SEC11C: variants seen among roughly 807,000 people sequenced by gnomAD.
SEC11C encodes signal peptidase complex catalytic subunit SEC11C.
Under a neutral mutation model 21.9 loss-of-function variants are expected in SEC11C, and 10 were observed. The observed-to-expected ratio is 0.46, with a 90% CI of 0.28 to 0.77. The LOEUF (loss-of-function observed/expected upper bound fraction) is 0.77. Among genes scored for constraint, SEC11C ranks in the 30% least tolerant of loss-of-function variants. The probability of loss-of-function intolerance (pLI) is 0.12; values close to 1 mark genes in which losing one functional copy is unlikely to be tolerated. For missense variants in SEC11C, 145 were observed against 244.5 expected (o/e 0.59, Z 2.71); for synonymous variants, 83 against 85.6 (o/e 0.97, Z 0.17).
intron 1 of SEC11C, among the ~76,000 whole-genome samples, chr18:59,145,029 G>A (rs777200349): frequency 1.3e-5 from 2 of 152,168 alleles, no homozygotes; most frequent in Non-Finnish European, 2.9e-5. Flanking sequence ...CTATGAGCAA[G>A]GCTGAAATGA....
chr18:59,142,702 G>A (rs1308114171), intron 1 of SEC11C, among the ~76,000 whole-genome samples: 1 of 152,152 alleles, frequency 6.6e-6, no homozygotes, highest in East Asian at 1.9e-4. Context: ...GCATTCTTAA[G>A]TATTTGCTTT....
chr18:59,158,519 A>G, intron 5 of SEC11C, 113 bp from the exon 6 acceptor site: 1 of 838,602 alleles, frequency 1.2e-6, no homozygotes, highest in Non-Finnish European at 2.0e-6. Flanking sequence ...GGGAAGAGGT[A>G]ATCTTTTGAT....
chr18:59,142,142 T>C (rs1375071023), intron 1 of SEC11C, among the ~76,000 whole-genome samples: 1 of 152,206 alleles, frequency 6.6e-6, no homozygotes, highest in Admixed American at 6.5e-5. Flanking sequence ...GCCTAGAATC[T>C]GATTCGTAGG....
intron 1 of SEC11C, among the ~76,000 whole-genome samples, chr18:59,146,205 G>T (rs1339857614): frequency 1.3e-5 from 2 of 152,194 alleles, no homozygotes; most frequent in Non-Finnish European, 2.9e-5. Flanking sequence ...CTCCAGACGT[G>T]TTTGGAAAGC....
chr18:59,148,904 T>C (rs983404513), intron 1 of SEC11C, among the ~76,000 whole-genome samples: 3 of 152,146 alleles, frequency 2.0e-5, no homozygotes, highest in Non-Finnish European at 4.4e-5. Context: ...CGTGAGCCAC[T>C]GTGCCCAGCC....
chr18:59,139,909 C>T lies in SEC11C; in HGVS notation c.-40C>T, dbSNP rs1194104385. On this transcript the variant is annotated 5_prime_UTR_variant, in exon 1 of 6. Coordinates refer to ENST00000587834, the MANE Select transcript of SEC11C (RefSeq NM_033280.4). ...AGGTGCTCCGCAGCCGTCTGTGCCACCCAGAGCCGGCGGGCCGCTAGGTCC... is the reference window on the plus strand; with the variant it reads ...AGGTGCTCCGCAGCCGTCTGTGCCATCCAGAGCCGGCGGGCCGCTAGGTCC... 1 of 1,467,420 alleles carries T rather than the reference C, an allele frequency of 6.8e-7. No individual in the cohort carries two copies. Among genetic ancestry groups the T allele is most frequent in the Non-Finnish European group, 9.1e-7 (1 of 1,096,956 alleles). The allele number at this position is 1,467,420 out of a possible 1,614,324, so 90.9% of individuals were successfully genotyped here.
chr18:59,158,783 A>AC lies in SEC11C; in HGVS notation c.*99dup. 9.7e-7 allele frequency: 1 copy of AC among 1,035,326 alleles called. No homozygotes were observed. 64.1% of individuals were successfully genotyped at this position (1,035,326 alleles called of 1,614,324 possible). A position where few individuals can be genotyped will look rare whatever the true frequency, so the allele number is the denominator to read the frequency against. ...TGTTCCATTTTCTGTATAAAAGGGA[A>AC]CAGTGTGGAGATGTTTTTGTCTTGT... On this transcript the variant is annotated 3_prime_UTR_variant, in exon 6 of 6. Transcript: ENST00000587834.
intron 3 of SEC11C, among the ~76,000 whole-genome samples, chr18:59,154,355 G>T (rs1312901312): frequency 6.6e-6 from 1 of 152,090 alleles, no homozygotes; most frequent in Non-Finnish European, 1.5e-5. Flanking sequence ...TTTTGATATG[G>T]TTTCAAATCT....
At chr18:59,148,422 AG>A (rs2069304699) in intron 1 of SEC11C, among the ~76,000 whole-genome samples, 1 of 150,338 alleles carries the variant, frequency 6.7e-6, no homozygotes, top group African/African-American at 2.5e-5. Flanking sequence ...AGTCACCAGG[AG>A]TTGGCAGGTG....
In SEC11C at chr18:59,152,670, T is replaced by C; in HGVS notation, c.332T>C (p.Ile111Thr). Residue 111 changes from isoleucine to threonine, a missense_variant, in exon 3 of 6, where the codon ATC (isoleucine) becomes ACC (threonine). Coordinates refer to ENST00000587834, the MANE Select transcript of SEC11C (RefSeq NM_033280.4). Reference protein sequence around the residue: ...GRDIPIVHRVIKVHEKDNGDI... With the variant: ...GRDIPIVHRVTKVHEKDNGDI... Reference sequence around the variant, plus strand: ...GACATTCCAATAGTTCACAGAGTAATCAAAGTTCATGAAAAGTAAAGAGGC... The same window carrying C: ...GACATTCCAATAGTTCACAGAGTAACCAAAGTTCATGAAAAGTAAAGAGGC... The C allele has an allele frequency of 6.3e-7, 1 of 1,598,688 alleles. No homozygotes were observed. The highest frequency in any genetic ancestry group is 1.1e-5 in the South Asian group (1 of 87,614).
In SEC11C at chr18:59,139,958, G is replaced by A; in HGVS notation, c.10G>A (p.Ala4Thr). 1 of 1,587,982 alleles carries A rather than the reference G, an allele frequency of 6.3e-7. No individual in the cohort carries two copies. The highest frequency in any genetic ancestry group is 8.6e-7 in the Non-Finnish European group (1 of 1,165,802). ...CCCCGGAGACCCTGCTATGGTGCGT[G>A]CGGGCGCCGTGGGGGCTCATCTCCC... is the stretch of plus-strand genomic sequence containing the variant. Reference protein sequence around the residue: MVRAGAVGAHLPAS... With the variant: MVRTGAVGAHLPAS... Residue 4 changes from alanine to threonine, a missense_variant, in exon 1 of 6, where the codon GCG becomes ACG. By Grantham distance (58) the Ala-to-Thr change is moderately conservative. Coordinates refer to ENST00000587834, the MANE Select transcript of SEC11C (RefSeq NM_033280.4).
In SEC11C at chr18:59,152,596, A is replaced by G. The variant is rs760247649; in HGVS notation, c.258A>G (p.Glu86=). Residue 86 remains glutamate, a synonymous_variant, in exon 3 of 6, where the codon GAA becomes GAG. Transcript: ENST00000587834. Reference sequence around the variant, plus strand: ...TCCTGTTCCTCACAAATTTCCGGGAAGACCCAATCAGAGCTGGTGAAATAG... The same window carrying G: ...TCCTGTTCCTCACAAATTTCCGGGAGGACCCAATCAGAGCTGGTGAAATAG... ...GDLLFLTNFR[E]DPIRAGEIVV... is the part of the protein sequence containing the mutation. 8 of 1,613,694 alleles carry G rather than the reference A, an allele frequency of 5.0e-6. No homozygotes were observed. Among genetic ancestry groups the G allele is most frequent in the Non-Finnish European group, 6.8e-6 (8 of 1,179,948 alleles).
Position 59,150,743 on chromosome 18 carries a change from C to CT in SEC11C, c.197+1133dup, listed in dbSNP as rs528249224. Among the ~76,000 whole-genome samples the CT allele has an allele frequency of 1.5e-3, 211 of 144,186 alleles. 1 individual carries two copies. Among genetic ancestry groups the CT allele is most frequent in the Admixed American group, 2.9e-3 (42 of 14,476 alleles). The allele number at this position is 144,186 out of a possible 152,430, so 94.6% of individuals were successfully genotyped here. On this transcript the variant is annotated intron_variant, in intron 2 of 5. Coordinates refer to ENST00000587834, the MANE Select transcript of SEC11C (RefSeq NM_033280.4). Reference sequence around the variant, plus strand: ...TTCATGTGAAGGAAGGATTTTAAGGCTTTTTTTTTTTTAAAGAAGAAGAAA... The same window carrying CT: ...TTCATGTGAAGGAAGGATTTTAAGGCTTTTTTTTTTTTTAAAGAAGAAGAAA...
At chr18:59,149,768 T>C (rs562102337) in intron 2 of SEC11C, 146 bp downstream of exon 2, 11 of 471,686 alleles carry the variant, frequency 2.3e-5, no homozygotes, top group South Asian at 2.0e-4. Flanking sequence ...TTTATTGATA[T>C]CTATTTTGAA....
At chr18:59,157,383 T>C in intron 4 of SEC11C, 3 of 432,080 alleles carry the variant, frequency 6.9e-6, no homozygotes, top group Non-Finnish European at 8.2e-6. Context: ...AGCATCACTA[T>C]CTCAACCCAA....
intron 1 of SEC11C, among the ~76,000 whole-genome samples, chr18:59,141,547 G>C (rs1180411360): frequency 6.6e-6 from 1 of 152,138 alleles, no homozygotes; most frequent in African/African-American, 2.4e-5. Context: ...GTGTGTTTTT[G>C]CTCTCAGCGA....
intron 3 of SEC11C, among the ~76,000 whole-genome samples, chr18:59,153,557 GCTT>G (rs1465694074): frequency 1.3e-5 from 2 of 152,146 alleles, no homozygotes; most frequent in African/African-American, 2.4e-5. Flanking sequence ...TCCATTCACT[GCTT>G]CTTTTTTTGA....
At chr18:59,141,409 T>C in intron 1 of SEC11C, among the ~76,000 whole-genome samples, 1 of 152,198 alleles carries the variant, frequency 6.6e-6, no homozygotes, top group East Asian at 1.9e-4. Flanking sequence ...AATCTAGACT[T>C]AATGGCTGGG....
chr18:59,139,894 C>A lies in SEC11C; in HGVS notation c.-55C>A. 2.2e-6 allele frequency: 3 copies of A among 1,337,164 alleles called. No individual in the cohort carries two copies. Among genetic ancestry groups the A allele is most frequent in the South Asian group, 1.6e-5 (1 of 62,572 alleles). 82.8% of individuals were successfully genotyped at this position (1,337,164 alleles called of 1,614,324 possible). On this transcript the variant is annotated 5_prime_UTR_variant, in exon 1 of 6. Transcript: ENST00000587834. ...TGGGCGGGGGCCGGCAGGTGCTCCG[C>A]AGCCGTCTGTGCCACCCAGAGCCGG... is the stretch of plus-strand genomic sequence containing the variant.
Sources: gnomAD v4.1 joint callset for allele counts (sites outside exome capture counted in the v4.1 genomes callset) on GRCh38, gnomAD v4.1.1 for gene constraint, MANE v1.5 for transcripts, NCBI Gene and HGNC (gene_info 2026-07-23, HGNC 2026-07-21) for gene names.